EFCC1: variants seen among roughly 807,000 people sequenced by gnomAD.
EFCC1 encodes the protein EF-hand and coiled-coil domain containing 1.
A neutral mutation model predicts 52.1 loss-of-function variants in EFCC1; 50 were observed. That is an observed-to-expected ratio of 0.96 (90% CI 0.76 to 1.21). The LOEUF is 1.21. Ranked by LOEUF, EFCC1 falls within the 50% of genes most tolerant of loss-of-function variation. EFCC1 has a pLI of 0.00. For missense variants in EFCC1, 837 were observed against 867.3 expected (o/e 0.97, Z 0.44); for synonymous variants, 399 against 396.5 (o/e 1.01, Z -0.08).
At chr3:129,022,100 C>T (rs951389231) in intron 2 of EFCC1, among the ~76,000 whole-genome samples, 3 of 152,136 alleles carry the variant, frequency 2.0e-5, no homozygotes, top group Admixed American at 6.5e-5. Flanking sequence ...AGCTTCAGAT[C>T]CTCTAGGATC....
intron 2 of EFCC1, among the ~76,000 whole-genome samples, chr3:129,028,078 A>T (rs1026963904): frequency 6.6e-6 from 1 of 150,694 alleles, no homozygotes; most frequent in South Asian, 2.1e-4. Flanking sequence ...CAGCCATTTC[A>T]TTCTTTTTTT....
At chr3:129,029,170 C>T (rs547601220) in intron 2 of EFCC1, among the ~76,000 whole-genome samples, 34 of 152,244 alleles carry the variant, frequency 2.2e-4, no homozygotes, top group African/African-American at 8.2e-4. Context: ...TGGGTTCTAT[C>T]GGGTTGTTAC....
At chr3:129,015,532 C>G (rs907683603) in intron 2 of EFCC1, among the ~76,000 whole-genome samples, 1 of 152,138 alleles carries the variant, frequency 6.6e-6, no homozygotes, top group Non-Finnish European at 1.5e-5. Flanking sequence ...AAGTCAGCAG[C>G]TTGGGCTGGC....
chr3:129,037,561 C>A (rs767759136), intron 6 of EFCC1, among the ~76,000 whole-genome samples: 4 of 152,164 alleles, frequency 2.6e-5, no homozygotes, highest in Non-Finnish European at 4.4e-5. Flanking sequence ...CCAAAATACA[C>A]CACATTGCAG....
chr3:129,024,421 C>G (rs2107922404), intron 2 of EFCC1, among the ~76,000 whole-genome samples: 1 of 151,996 alleles, frequency 6.6e-6, no homozygotes, highest in East Asian at 1.9e-4. Flanking sequence ...GTCCCAACTA[C>G]TCGGGAGGCT....
At position 129,039,736 on chromosome 3, in the gene EFCC1, T is replaced by C. The variant is rs1300574249; in HGVS notation, c.1688T>C (p.Ile563Thr). Residue 563 changes from isoleucine (I) to threonine (T), a missense_variant, in exon 8 of 8, where the codon ATC (isoleucine) becomes ACC (threonine). By Grantham distance (89) the Ile-to-Thr change is moderately conservative. Coordinates refer to ENST00000683648, the MANE Select transcript of EFCC1 (RefSeq NM_001377500.1). ...THEGRPSPAAILDALHQALAA... is the reference protein window; with the variant it reads ...THEGRPSPAATLDALHQALAA... ...GAGGGAAGGCCCAGCCCTGCAGCCA[T>C]CCTGGATGCCCTGCACCAAGCCTTG... The C allele has an allele frequency of 1.2e-6, 2 of 1,609,058 alleles. No homozygotes were observed. Among genetic ancestry groups the C allele is most frequent in the Non-Finnish European group, 1.7e-6 (2 of 1,176,784 alleles).
chr3:129,013,970 G>A (rs115621202), intron 2 of EFCC1, among the ~76,000 whole-genome samples: 133 of 152,302 alleles, frequency 8.7e-4, no homozygotes, highest in African/African-American at 3.2e-3. Context: ...CTGAGTTGGG[G>A]GTGGGGGCTT....
intron 2 of EFCC1, among the ~76,000 whole-genome samples, chr3:129,022,864 G>A (rs1384463): frequency 0.2 from 30,264 of 152,216 alleles, 3,850 homozygotes; most frequent in Middle Eastern, 0.34. Context: ...GTCGCGGGCC[G>A]GAAAGCACAG....
chr3:129,039,589 G>A (rs944687358), intron 7 of EFCC1, 123 bp from the exon 8 acceptor site: 92 of 1,431,700 alleles, frequency 6.4e-5, no homozygotes, highest in Non-Finnish European at 7.8e-5. Flanking sequence ...CGAGGAAGCT[G>A]GGCAGGGCTG....
rs1944771201 is a variant in EFCC1 at position 129,001,768 on chromosome 3, AG to A, written c.141del (p.Ile48SerfsTer61). The A allele has an allele frequency of 6.5e-7, 1 of 1,542,688 alleles. No individual in the cohort carries two copies. The highest frequency in any genetic ancestry group is 1.2e-5 in the South Asian group (1 of 83,458). On this transcript the variant is annotated frameshift_variant, in exon 1 of 8. Transcript: ENST00000683648. LOFTEE classifies it high-confidence loss of function. ...GGGCTGGACCGCGGCGTGGAGAACG[AG>A]ATCGTGGTGCTGGCCACCGGCCTGG... is the stretch of plus-strand genomic sequence containing the variant. Reference protein sequence around the residue: ...HYGLDRGVENEIVVLATGLDQ... With the variant: ...HYGLDRGVENXIVVLATGLDQ...
chr3:129,018,128 A>G (rs1945670579), intron 2 of EFCC1, among the ~76,000 whole-genome samples: 1 of 152,210 alleles, frequency 6.6e-6, no homozygotes, highest in African/African-American at 2.4e-5. Flanking sequence ...ATAACCTAAT[A>G]GGATTAGTTA....
Position 129,029,886 on chromosome 3 carries a change from T to TA in EFCC1, c.981-804dup, listed in dbSNP as rs1217319429. Reference sequence around the variant, plus strand: ...AGGATTCTGTCTCTATTTAAAAAATTAAAAAAAAAAAAAGTAGGCTAGGTG... The same window carrying TA: ...AGGATTCTGTCTCTATTTAAAAAATTAAAAAAAAAAAAAAGTAGGCTAGGTG... On this transcript the variant is annotated intron_variant, in intron 2 of 7. Coordinates refer to ENST00000683648, the MANE Select transcript of EFCC1 (RefSeq NM_001377500.1). Among the ~76,000 whole-genome samples, 287 of 140,934 alleles carry TA rather than the reference T, an allele frequency of 2.0e-3. 3 individuals are homozygous for TA. The highest frequency in any genetic ancestry group is 3.5e-3 in the African/African-American group (133 of 38,304). The allele number at this position is 140,934 out of a possible 152,430, so 92.5% of individuals were successfully genotyped here. A position where few individuals can be genotyped will look rare whatever the true frequency, so the allele number is the denominator to read the frequency against.
Position 129,003,982 on chromosome 3 carries a change from C to T in EFCC1, c.885C>T (p.Ser295=). The T allele has an allele frequency of 6.7e-7, 1 of 1,496,634 alleles. No homozygotes were observed. The highest frequency in any genetic ancestry group is 1.2e-5 in the South Asian group (1 of 81,384). The allele number at this position is 1,496,634 out of a possible 1,614,324, so 92.7% of individuals were successfully genotyped here. ...AEEARQVVLR[S]LHRVRELEAL... is the part of the protein sequence containing the mutation. The stretch of plus-strand genomic sequence containing the variant: ...AGGCCCGGCAGGTGGTGCTGCGCAG[C>T]CTGCACCGCGTGCGAGAGCTGGAGG... The change falls in exon 2 of 8, where the codon AGC becomes AGT. Residue 295 remains serine, a synonymous_variant. Coordinates refer to ENST00000683648, the MANE Select transcript of EFCC1 (RefSeq NM_001377500.1).
intron 2 of EFCC1, among the ~76,000 whole-genome samples, chr3:129,015,750 A>T (rs992733781): frequency 1.3e-4 from 18 of 143,310 alleles, no homozygotes; most frequent in African/African-American, 4.1e-4. Context: ...CTTGTGATTT[A>T]TTTTCCGCCC....
At position 129,010,877 on chromosome 3, in the gene EFCC1, G is replaced by C. The variant is rs986308278; in HGVS notation, c.980+6800G>C. ...CCCACTGCATGCCCCAGGCCCTCAGGATGCACAGGGGGCTTGGTGGGTGGG... is the reference window on the plus strand; with the variant it reads ...CCCACTGCATGCCCCAGGCCCTCAGCATGCACAGGGGGCTTGGTGGGTGGG... On this transcript the variant is annotated intron_variant, in intron 2 of 7. Transcript: ENST00000683648. This position sits in a 1 kb window ranked among gnomAD's most constrained non-coding sequence, Gnocchi z 4.3. 6.6e-6 allele frequency among the ~76,000 whole-genome samples: 1 copy of C among 152,222 alleles called. No homozygotes were observed.
intron 1 of EFCC1, 33 bp from the exon 2 acceptor site, chr3:129,003,761 T>C: frequency 7.3e-7 from 1 of 1,366,958 alleles, no homozygotes; most frequent in Non-Finnish European, 9.4e-7. Flanking sequence ...GCTGGGGCAC[T>C]TACCCCCTGC....
chr3:129,004,115 A>T (rs73210697), intron 2 of EFCC1, 38 bp downstream of exon 2: 1 of 1,451,774 alleles, frequency 6.9e-7, no homozygotes, highest in Non-Finnish European at 9.0e-7. Context: ...AAGTTCCCCA[A>T]TTCGGCTCCC....
At chr3:129,015,977 A>G (rs72979110) in intron 2 of EFCC1, among the ~76,000 whole-genome samples, 25,596 of 152,140 alleles carry the variant, frequency 0.17, 6,152 homozygotes, top group African/African-American at 0.54. Flanking sequence ...CTGGGTTCTG[A>G]GGGACCTGTC....
intron 2 of EFCC1, 63 bp downstream of exon 2, chr3:129,004,140 C>A: frequency 7.2e-7 from 1 of 1,394,526 alleles, no homozygotes; most frequent in South Asian, 1.5e-5. Flanking sequence ...TCCCAAACTT[C>A]GGGTGTGCAA....
Sources: allele counts gnomAD v4.1 joint callset (sites outside exome capture counted in the v4.1 genomes callset), GRCh38; gene constraint gnomAD v4.1.1; non-coding constraint Gnocchi (gnomAD v3.1); transcripts MANE v1.5; gene names NCBI Gene and HGNC (gene_info 2026-07-23, HGNC 2026-07-21).